B3GAT2: variants seen among roughly 807,000 people sequenced by gnomAD.
B3GAT2 encodes the protein galactosylgalactosylxylosylprotein 3-beta-glucuronosyltransferase 2.
Under a neutral mutation model 27.8 loss-of-function variants are expected in B3GAT2, and 26 were observed. The observed-to-expected ratio is 0.93, with a 90% CI of 0.68 to 1.30. B3GAT2 has a LOEUF of 1.30. Ranked by LOEUF, B3GAT2 falls within the 50% of genes most tolerant of loss-of-function variation. The probability of loss-of-function intolerance (pLI) is 0.00; values close to 1 mark genes in which losing one functional copy is unlikely to be tolerated. For synonymous variants in B3GAT2, 218 were observed against 195.1 expected (o/e 1.12, Z -0.98); for missense variants, 458 against 459.0 (o/e 1.00, Z 0.02).
chr6:70,937,996 A>G (rs916994013), intron 1 of B3GAT2, among the ~76,000 whole-genome samples: 8 of 151,426 alleles, frequency 5.3e-5, no homozygotes. Context: ...TTGTATATCT[A>G]CAAAACCCCA....
Position 70,897,636 on chromosome 6 carries a change from G to A in B3GAT2, c.592-3364C>T, listed in dbSNP as rs927779091. On this transcript the variant is annotated intron_variant, in intron 1 of 3. Transcript: ENST00000230053. ...CACCTGTAACAACAGCTATTCAGGAGGGTGAGGCATGAGAACTGCTTGAAA... is the reference window on the plus strand; with the variant it reads ...CACCTGTAACAACAGCTATTCAGGAAGGTGAGGCATGAGAACTGCTTGAAA... Among the ~76,000 whole-genome samples the A allele has an allele frequency of 2.1e-5, 3 of 144,752 alleles. No individual in the cohort carries two copies. The Admixed American group carries it at 2.1e-4, about 10-fold the overall frequency. 95.0% of individuals were successfully genotyped at this position (144,752 alleles called of 152,430 possible). A position where few individuals can be genotyped will look rare whatever the true frequency, so the allele number is the denominator to read the frequency against.
At chr6:70,934,649 A>G (rs1159883240) in intron 1 of B3GAT2, among the ~76,000 whole-genome samples, 1 of 152,186 alleles carries the variant, frequency 6.6e-6, no homozygotes, top group East Asian at 1.9e-4. Context: ...CTGTCAGATC[A>G]CCATGTAATT....
chr6:70,885,435 T>A (rs936202698), intron 2 of B3GAT2, among the ~76,000 whole-genome samples: 2 of 152,192 alleles, frequency 1.3e-5, no homozygotes, highest in African/African-American at 4.8e-5. Flanking sequence ...AACAACTCTT[T>A]AATGATCTTT....
At chr6:70,937,774 T>C (rs976654352) in intron 1 of B3GAT2, among the ~76,000 whole-genome samples, 97 of 152,272 alleles carry the variant, frequency 6.4e-4, no homozygotes, top group African/African-American at 2.3e-3. Flanking sequence ...GAGCTATCTA[T>C]GACAAGCCCA....
chr6:70,933,456 A>G (rs1337358951), intron 1 of B3GAT2, among the ~76,000 whole-genome samples: 1 of 152,220 alleles, frequency 6.6e-6, no homozygotes, highest in East Asian at 1.9e-4. Context: ...TGAGCCCCAA[A>G]TACTCTGATG....
At chr6:70,936,525 T>C (rs927258123) in intron 1 of B3GAT2, among the ~76,000 whole-genome samples, 3 of 151,992 alleles carry the variant, frequency 2.0e-5, no homozygotes, top group Admixed American at 6.6e-5. Context: ...TCAGCAAATG[T>C]AAAAGAACAG....
chr6:70,947,070 A>G (rs1395393824), intron 1 of B3GAT2, among the ~76,000 whole-genome samples: 4 of 152,104 alleles, frequency 2.6e-5, no homozygotes, highest in Non-Finnish European at 4.4e-5. Context: ...TCTCTGGGAC[A>G]CATTCAAAGC....
chr6:70,947,443 C>A (rs1017919391), intron 1 of B3GAT2, among the ~76,000 whole-genome samples: 4 of 152,128 alleles, frequency 2.6e-5, no homozygotes, highest in African/African-American at 9.7e-5. Flanking sequence ...TCAGAGAATA[C>A]TACAAACACC....
chr6:70,945,489 T>C, intron 1 of B3GAT2, among the ~76,000 whole-genome samples: 1 of 151,294 alleles, frequency 6.6e-6, no homozygotes, highest in Non-Finnish European at 1.5e-5. Flanking sequence ...GAAGATGAAA[T>C]GAATGAAATG....
At chr6:70,915,092 G>A (rs1333572890) in intron 1 of B3GAT2, among the ~76,000 whole-genome samples, 3 of 152,048 alleles carry the variant, frequency 2.0e-5, no homozygotes, top group South Asian at 2.1e-4. Context: ...TTTAATGATC[G>A]CCATTCTAAC....
In B3GAT2 at chr6:70,887,543, TG is replaced by T. The variant is rs144999804; in HGVS notation, c.736+6584del. Among the ~76,000 whole-genome samples the T allele has an allele frequency of 4.4e-3, 669 of 152,198 alleles. 5 individuals carry two copies. Among genetic ancestry groups the T allele is most frequent in the African/African-American group, 0.015 (638 of 41,522 alleles). ...TCACAGGCTGGGGCTAGGGGAAACCTGGGGCTGGGATTGGGCAAGGAGTGGA... is the reference window on the plus strand; with the variant it reads ...TCACAGGCTGGGGCTAGGGGAAACCTGGGCTGGGATTGGGCAAGGAGTGGA... On this transcript the variant is annotated intron_variant, in intron 2 of 3. Coordinates refer to ENST00000230053, the MANE Select transcript of B3GAT2 (RefSeq NM_080742.3).
At chr6:70,884,161 C>CTA (rs1772145037) in intron 2 of B3GAT2, among the ~76,000 whole-genome samples, 1 of 150,612 alleles carries the variant, frequency 6.6e-6, no homozygotes, top group African/African-American at 2.4e-5. Context: ...CCCTCAGAGA[C>CTA]TATATGGTCT....
intron 1 of B3GAT2, among the ~76,000 whole-genome samples, chr6:70,947,844 C>T (rs1422796917): frequency 6.6e-6 from 1 of 152,176 alleles, no homozygotes; most frequent in Non-Finnish European, 1.5e-5. Context: ...AAAATACTAG[C>T]AAACCGAATC....
At chr6:70,894,048 T>G in intron 2 of B3GAT2, 80 bp downstream of exon 2, 1 of 1,383,988 alleles carries the variant, frequency 7.2e-7, no homozygotes, top group Non-Finnish European at 9.5e-7. Context: ...TTTTAAAGCT[T>G]CCTTCATCTA....
intron 2 of B3GAT2, among the ~76,000 whole-genome samples, chr6:70,888,709 T>G (rs978675875): frequency 1.3e-5 from 2 of 152,110 alleles, no homozygotes; most frequent in Non-Finnish European, 2.9e-5. Context: ...AAGAAAAACT[T>G]CTCATCTTAG....
intron 1 of B3GAT2, among the ~76,000 whole-genome samples, chr6:70,924,567 A>T (rs1045495808): frequency 5.9e-5 from 9 of 152,210 alleles, no homozygotes; most frequent in African/African-American, 1.9e-4. Context: ...ATATAGACCA[A>T]TGGACTAGAA....
chr6:70,933,745 C>T lies in B3GAT2; in HGVS notation c.591+22094G>A, dbSNP rs578025416. 1.5e-4 allele frequency among the ~76,000 whole-genome samples: 23 copies of T among 152,278 alleles called. No homozygotes were observed. The East Asian group carries it at 1.5e-3, about 10-fold the overall frequency. On this transcript the variant is annotated intron_variant, in intron 1 of 3. Transcript: ENST00000230053. ...AGCCAACAGAGCAGCACCTTGGGGC[C>T]GCTATGACTGTCAGGATTGGTACAG...
At position 70,956,737 on chromosome 6, in the gene B3GAT2, C is replaced by A; in HGVS notation, c.-308G>T. On this transcript the variant is annotated 5_prime_UTR_variant, in exon 1 of 4. Coordinates refer to ENST00000230053, the MANE Select transcript of B3GAT2 (RefSeq NM_080742.3). Reference sequence around the variant, plus strand: ...CGCGCCGCCGGTCCCGGAGTTGTGCCGAGTGCGGGAAAGGCGCTGATCCCC... The same window carrying A: ...CGCGCCGCCGGTCCCGGAGTTGTGCAGAGTGCGGGAAAGGCGCTGATCCCC... 2 of 1,288,484 alleles carry A rather than the reference C, an allele frequency of 1.6e-6. No individual in the cohort carries two copies. The highest frequency in any genetic ancestry group is 2.0e-6 in the Non-Finnish European group (2 of 1,015,920). 79.8% of individuals were successfully genotyped at this position (1,288,484 alleles called of 1,614,324 possible). A position where few individuals can be genotyped will look rare whatever the true frequency, so the allele number is the denominator to read the frequency against.
intron 1 of B3GAT2, among the ~76,000 whole-genome samples, chr6:70,903,662 G>T (rs963542607): frequency 3.3e-5 from 5 of 151,900 alleles, no homozygotes; most frequent in African/African-American, 7.3e-5. Context: ...TAAAATTTCA[G>T]AAATTAAACA....
Sources: gnomAD v4.1 joint callset for allele counts (sites outside exome capture counted in the v4.1 genomes callset) on GRCh38, gnomAD v4.1.1 for gene constraint, MANE v1.5 for transcripts, NCBI Gene and HGNC (gene_info 2026-07-23, HGNC 2026-07-21) for gene names.